Variants in UBXN2A observed in about 807,000 individuals in gnomAD.
UBXN2A encodes UBX domain protein 2A.
UBXN2A carries 28 observed loss-of-function variants against 28.4 expected under a neutral mutation model. The observed-to-expected ratio is 0.99, with a 90% CI of 0.73 to 1.35. UBXN2A has a LOEUF of 1.35. UBXN2A is among the 40% of genes most tolerant of loss of function. UBXN2A has a pLI of 0.00. For missense variants in UBXN2A, 253 were observed against 297.9 expected, an observed-to-expected ratio of 0.85 and a Z score of 1.11; for synonymous variants, 97 against 103.6, an observed-to-expected ratio of 0.94 and a Z score of 0.39.
At chr2:23,982,204 CAA>C (rs145235779) in intron 4 of UBXN2A, among the ~76,000 whole-genome samples, 1 of 141,478 alleles carries the variant, frequency 7.1e-6, no homozygotes, top group African/African-American at 2.6e-5. Flanking sequence ...CTAAAAATAC[CAA>C]AAAAAAAAAA....
chr2:23,977,698 G>GA (rs1707730773), intron 4 of UBXN2A, among the ~76,000 whole-genome samples: 1 of 152,190 alleles, frequency 6.6e-6, no homozygotes, highest in South Asian at 2.1e-4. Context: ...TTTGTAATCA[G>GA]AAGATATTTT....
At chr2:23,976,187 G>A (rs1346899820) in intron 3 of UBXN2A, among the ~76,000 whole-genome samples, 1 of 152,166 alleles carries the variant, frequency 6.6e-6, no homozygotes, top group Non-Finnish European at 1.5e-5. Flanking sequence ...CTGTAAAAGT[G>A]TAAATACTGT....
At chr2:23,970,181 G>T (rs1052338356) in intron 2 of UBXN2A, among the ~76,000 whole-genome samples, 3 of 152,112 alleles carry the variant, frequency 2.0e-5, no homozygotes, top group South Asian at 2.1e-4. Context: ...CTACTTGGGG[G>T]TCTGAAGTGG....
intron 1 of UBXN2A, among the ~76,000 whole-genome samples, chr2:23,953,875 A>G (rs1706488807): frequency 6.6e-6 from 1 of 152,182 alleles, no homozygotes; most frequent in African/African-American, 2.4e-5. Context: ...TTTGGCAAGA[A>G]TAGATGATGG....
chr2:23,959,140 T>A (rs1706782537), intron 2 of UBXN2A, among the ~76,000 whole-genome samples: 1 of 152,190 alleles, frequency 6.6e-6, no homozygotes, highest in Admixed American at 6.5e-5. Flanking sequence ...GCCTATTATT[T>A]ATTTTTTAAC....
At chr2:23,956,289 A>G (rs533352685) in intron 1 of UBXN2A, among the ~76,000 whole-genome samples, 3 of 152,138 alleles carry the variant, frequency 2.0e-5, no homozygotes, top group South Asian at 2.1e-4. Context: ...GATTTACCGA[A>G]TGGGAGCCCC....
upstream of UBXN2A, chr2:23,940,429 T>C (rs948609961): frequency 2.6e-5 from 3 of 113,758 alleles, no homozygotes; most frequent in African/African-American, 8.5e-5. Flanking sequence ...CCGCGCGCGC[T>C]CCTCGGGTCT....
chr2:23,958,155 T>C (rs1573554650), intron 1 of UBXN2A, 146 bp from the exon 2 acceptor site: 1 of 504,530 alleles, frequency 2.0e-6, no homozygotes, highest in South Asian at 3.9e-5. Context: ...CTATCATTGC[T>C]TTATTTTGAT....
chr2:23,974,578 C>T (rs1264667290), intron 3 of UBXN2A, among the ~76,000 whole-genome samples: 2 of 151,908 alleles, frequency 1.3e-5, no homozygotes, highest in Non-Finnish European at 2.9e-5. Context: ...GATCTCTTGA[C>T]CTCATGATCC....
intron 4 of UBXN2A, among the ~76,000 whole-genome samples, chr2:23,980,738 C>A (rs1463415078): frequency 6.6e-6 from 1 of 152,096 alleles, no homozygotes; most frequent in African/African-American, 2.4e-5. Context: ...AGTGATTCTT[C>A]TGCCTCAGCC....
At chr2:23,975,094 T>G (rs1707599014) in intron 3 of UBXN2A, among the ~76,000 whole-genome samples, 1 of 152,174 alleles carries the variant, frequency 6.6e-6, no homozygotes, top group Non-Finnish European at 1.5e-5. Flanking sequence ...TTTATATAAT[T>G]AAATGTGTCA....
intron 1 of UBXN2A, among the ~76,000 whole-genome samples, chr2:23,933,497 A>T (rs1705437801): frequency 1.3e-5 from 2 of 151,986 alleles, no homozygotes; most frequent in Non-Finnish European, 1.5e-5. Context: ...CAAGAGCAAA[A>T]CTCTATCTCA....
chr2:23,951,989 CAG>C (rs1410537755), intron 1 of UBXN2A, among the ~76,000 whole-genome samples: 3 of 130,664 alleles, frequency 2.3e-5, no homozygotes, highest in Non-Finnish European at 4.8e-5. Context: ...TTTTTTGAGA[CAG>C]AGTCTCACTC....
intron 1 of UBXN2A, among the ~76,000 whole-genome samples, chr2:23,941,981 G>A (rs1375250685): frequency 6.6e-6 from 1 of 152,164 alleles, no homozygotes. Flanking sequence ...GAAAAACTGA[G>A]GCAGGAGAAT....
chr2:24,000,071 C>T lies in UBXN2A; in HGVS notation c.*204C>T. The stretch of plus-strand genomic sequence containing the variant: ...GAAACTATATTCAGTGCACTTTCTC[C>T]AAAAGACTACCCAGAAAAATAGACT... On this transcript the variant is annotated 3_prime_UTR_variant, in exon 7 of 7. Transcript: ENST00000309033. 1.9e-6 allele frequency: 1 copy of T among 514,740 alleles called. No homozygotes were observed. The allele number at this position is 514,740 out of a possible 1,614,324, so 31.9% of individuals were successfully genotyped here.
At chr2:23,957,711 G>A (rs1286161656) in intron 1 of UBXN2A, among the ~76,000 whole-genome samples, 4 of 152,136 alleles carry the variant, frequency 2.6e-5, no homozygotes, top group Non-Finnish European at 5.9e-5. Context: ...GCGCACGTCC[G>A]TAATCCCAGC....
intron 2 of UBXN2A, among the ~76,000 whole-genome samples, chr2:23,967,879 G>GC (rs1382979652): frequency 2.0e-4 from 30 of 152,004 alleles, no homozygotes; most frequent in Admixed American, 1.2e-3. Context: ...GTATACCTAA[G>GC]TTAAAGCACT....
chr2:23,993,797 C>T (rs1323245799), intron 6 of UBXN2A, among the ~76,000 whole-genome samples: 2 of 151,248 alleles, frequency 1.3e-5, no homozygotes, highest in African/African-American at 4.9e-5. Flanking sequence ...AAGCAATTCT[C>T]CTGTCTCAGC....
At chr2:23,951,967 CTTTTTTTT>C (rs901333812) in intron 1 of UBXN2A, among the ~76,000 whole-genome samples, 4 of 132,358 alleles carry the variant, frequency 3.0e-5, no homozygotes, top group Admixed American at 1.5e-4. Flanking sequence ...AGTTTTTTTC[CTTTTTTTT>C]TTTTTTTTTG....
Sources: gnomAD v4.1 joint callset for allele counts (sites outside exome capture counted in the v4.1 genomes callset) on GRCh38, gnomAD v4.1.1 for gene constraint, MANE v1.5 for transcripts, NCBI Gene and HGNC (gene_info 2026-07-23, HGNC 2026-07-21) for gene names.